The following LSM12 variants were observed in gnomAD, a reference collection of about 807,000 sequenced individuals.
LSM12 encodes protein LSM12.
For synonymous variants in LSM12, 74 were observed against 87.3 expected (o/e 0.85, Z 0.85); for missense variants, 108 against 238.9 (o/e 0.45, Z 3.61).
intron 2 of LSM12, among the ~76,000 whole-genome samples, chr17:44,058,489 C>T (rs1012037887): frequency 5.9e-5 from 9 of 151,956 alleles, no homozygotes; most frequent in Admixed American, 5.9e-4. Flanking sequence ...ATTGCTTGAG[C>T]CCAGGAGTTA....
chr17:44,063,646 A>T (rs1396641128), intron 2 of LSM12, among the ~76,000 whole-genome samples, 155 bp downstream of exon 2: 1 of 152,216 alleles, frequency 6.6e-6, no homozygotes, highest in Non-Finnish European at 1.5e-5. Flanking sequence ...GAATAAAGAG[A>T]AAAACTAAAC....
At chr17:44,050,999 C>T (rs1439156003) in intron 2 of LSM12, among the ~76,000 whole-genome samples, 2 of 152,052 alleles carry the variant, frequency 1.3e-5, no homozygotes, top group Non-Finnish European at 2.9e-5. Flanking sequence ...GGGGGCTGGA[C>T]GTAGTGGCTC....
chr17:44,048,303 G>A (rs755021663), intron 2 of LSM12, among the ~76,000 whole-genome samples: 5 of 151,664 alleles, frequency 3.3e-5, no homozygotes, highest in African/African-American at 9.7e-5. Flanking sequence ...TCAACATAGC[G>A]AAACCCCATC....
intron 2 of LSM12, among the ~76,000 whole-genome samples, chr17:44,060,047 C>T (rs2049775757): frequency 6.6e-6 from 1 of 152,160 alleles, no homozygotes; most frequent in Admixed American, 6.6e-5. Flanking sequence ...CGCCTGTAGT[C>T]CCAGCTACTC....
At chr17:44,041,648 G>T (rs1456106987) in intron 2 of LSM12, among the ~76,000 whole-genome samples, 1 of 152,084 alleles carries the variant, frequency 6.6e-6, no homozygotes, top group Non-Finnish European at 1.5e-5. Flanking sequence ...TCCACAAACT[G>T]ATCAAAAGAA....
chr17:44,041,831 A>G (rs1363306920), intron 2 of LSM12, among the ~76,000 whole-genome samples: 1 of 152,218 alleles, frequency 6.6e-6, no homozygotes, highest in Non-Finnish European at 1.5e-5. Context: ...CAAGGTAGTT[A>G]AAACAAATTA....
chr17:44,056,834 A>C (rs1340350670), intron 2 of LSM12, among the ~76,000 whole-genome samples: 1 of 152,094 alleles, frequency 6.6e-6, no homozygotes, highest in East Asian at 2.0e-4. Flanking sequence ...TCTACTAATA[A>C]TACAAAATTA....
chr17:44,038,946 T>G (rs2049451127), intron 3 of LSM12, among the ~76,000 whole-genome samples: 1 of 151,208 alleles, frequency 6.6e-6, no homozygotes, highest in African/African-American at 2.4e-5. Flanking sequence ...TTAAACAGAG[T>G]AACAGATGGC....
intron 2 of LSM12, among the ~76,000 whole-genome samples, chr17:44,059,058 C>T (rs551177774): frequency 4.6e-5 from 7 of 152,218 alleles, no homozygotes; most frequent in Middle Eastern, 6.8e-3. Context: ...CCCAGCTACT[C>T]AGGAAGCTTG....
In LSM12 at chr17:44,037,409, T is replaced by C. The variant is rs200614466; in HGVS notation, c.495+3A>G. ...CCTAAAGTCTGAAGGCTCCTTTACT[T>C]ACTATTTTGCGTACATGGCTCAGTG... On this transcript the variant is annotated splice_donor_region_variant and intron_variant, in intron 4 of 4. Transcript: ENST00000293406. 6.3e-7 allele frequency: 1 copy of C among 1,586,620 alleles called. No homozygotes were observed. Among genetic ancestry groups the C allele is most frequent in the Non-Finnish European group, 8.5e-7 (1 of 1,169,810 alleles).
upstream of LSM12, chr17:44,066,684 T>G: frequency 4.0e-6 from 5 of 1,238,348 alleles, no homozygotes; most frequent in Non-Finnish European, 5.1e-6. Context: ...GCACGGAGCG[T>G]GCTTGCGTCA....
At chr17:44,062,048 C>G (rs1043415709) in intron 2 of LSM12, among the ~76,000 whole-genome samples, 1 of 151,840 alleles carries the variant, frequency 6.6e-6, no homozygotes, top group Non-Finnish European at 1.5e-5. Flanking sequence ...AGTGAAACCC[C>G]GTCTCTACTA....
At chr17:44,056,602 A>G (rs1435804779) in intron 2 of LSM12, among the ~76,000 whole-genome samples, 2 of 151,982 alleles carry the variant, frequency 1.3e-5, no homozygotes, top group Non-Finnish European at 2.9e-5. Flanking sequence ...GTGAGGCAGA[A>G]GAACTGCTTG....
chr17:44,041,937 T>C (rs781425654), intron 2 of LSM12, among the ~76,000 whole-genome samples: 1 of 152,206 alleles, frequency 6.6e-6, no homozygotes, highest in Admixed American at 6.5e-5. Context: ...CTGCAGCACA[T>C]GTGCAAACAC....
chr17:44,053,513 T>C (rs1026183210), intron 2 of LSM12, among the ~76,000 whole-genome samples: 1 of 152,148 alleles, frequency 6.6e-6, no homozygotes, highest in Non-Finnish European at 1.5e-5. Flanking sequence ...TGTGAGATTC[T>C]GGAGGGCAAG....
At chr17:44,040,093 G>T in intron 3 of LSM12, 54 bp downstream of exon 3, 1 of 1,385,904 alleles carries the variant, frequency 7.2e-7, no homozygotes, top group Non-Finnish European at 1.0e-6. Context: ...CCACCAGACA[G>T]CACAACCAGG....
chr17:44,053,675 A>T (rs1460562794), intron 2 of LSM12, among the ~76,000 whole-genome samples: 2 of 152,178 alleles, frequency 1.3e-5, no homozygotes, highest in African/African-American at 4.8e-5. Flanking sequence ...TTAACAGCAC[A>T]GTTGGAAAAA....
intron 3 of LSM12, among the ~76,000 whole-genome samples, chr17:44,039,834 G>A (rs1444783067): frequency 2.0e-5 from 3 of 152,200 alleles, no homozygotes; most frequent in Non-Finnish European, 4.4e-5. Context: ...CAAAATCAAA[G>A]AGAAGAAATC....
chr17:44,041,096 C>G (rs1422471702), intron 2 of LSM12, among the ~76,000 whole-genome samples: 1 of 150,922 alleles, frequency 6.6e-6, no homozygotes, highest in African/African-American at 2.4e-5. Flanking sequence ...CATGGTGAAA[C>G]CCCGTCTCTA....
Sources: gnomAD v4.1 joint callset for allele counts (sites outside exome capture counted in the v4.1 genomes callset) on GRCh38, gnomAD v4.1.1 for gene constraint, MANE v1.5 for transcripts, NCBI Gene and HGNC (gene_info 2026-07-23, HGNC 2026-07-21) for gene names.